The following MTHFD2L variants were observed in gnomAD, a reference collection of about 807,000 sequenced individuals.
MTHFD2L encodes the protein bifunctional methylenetetrahydrofolate dehydrogenase/cyclohydrolase 2, mitochondrial.
In MTHFD2L, 29 loss-of-function variants were observed where a neutral mutation model predicts 34.9. The observed-to-expected ratio is 0.83, with a 90% CI of 0.62 to 1.13. The LOEUF (loss-of-function observed/expected upper bound fraction) is 1.13, where lower values mean the gene tolerates loss of function less well. MTHFD2L is among the 50% of genes most tolerant of loss of function. The probability of loss-of-function intolerance (pLI) is 0.00; values close to 1 mark genes in which losing one functional copy is unlikely to be tolerated. For synonymous variants in MTHFD2L, 167 were observed against 155.7 expected (o/e 1.07, Z -0.54); for missense variants, 481 against 446.5 (o/e 1.08, Z -0.70).
chr4:74,253,383 T>G (rs999262362), intron 6 of MTHFD2L, among the ~76,000 whole-genome samples: 24 of 152,214 alleles, frequency 1.6e-4, no homozygotes, highest in Non-Finnish European at 2.1e-4. Context: ...AAACATCCAT[T>G]GCAAGAAAAT....
intron 3 of MTHFD2L, chr4:74,190,426 C>T (rs1427187402): frequency 3.5e-5 from 33 of 956,388 alleles, no homozygotes; most frequent in Non-Finnish European, 3.6e-5. Flanking sequence ...ATGAAGTAAG[C>T]CTGCCTGAGG....
At chr4:74,151,315 T>G (rs1007407362) in intron 1 of MTHFD2L, among the ~76,000 whole-genome samples, 1 of 152,208 alleles carries the variant, frequency 6.6e-6, no homozygotes, top group African/African-American at 2.4e-5. Context: ...TTTCTCCTTA[T>G]TACACAGATT....
At chr4:74,263,906 G>A (rs576925864) in intron 6 of MTHFD2L, among the ~76,000 whole-genome samples, 27 of 151,882 alleles carry the variant, frequency 1.8e-4, no homozygotes, top group Non-Finnish European at 3.7e-4. Context: ...TCTAACCTTT[G>A]AAAATCTGTC....
chr4:74,182,599 T>C (rs1299364337), intron 3 of MTHFD2L: 1 of 152,222 alleles, frequency 6.6e-6, no homozygotes, highest in Non-Finnish European at 1.5e-5. Context: ...TTCCAGCCCA[T>C]GCCCCTAAGT....
chr4:74,183,989 T>C (rs970275522), intron 3 of MTHFD2L: 1 of 152,120 alleles, frequency 6.6e-6, no homozygotes, highest in Non-Finnish European at 1.5e-5. Flanking sequence ...ATATGTGAAA[T>C]GACATAATAT....
At chr4:74,257,335 C>T (rs6855555) in intron 6 of MTHFD2L, among the ~76,000 whole-genome samples, 36,508 of 151,464 alleles carry the variant, frequency 0.24, 4,476 homozygotes, top group African/African-American at 0.29. Flanking sequence ...AGACATAAGG[C>T]GGATGAAAAA....
At chr4:74,255,568 T>C (rs1743923297) in intron 6 of MTHFD2L, among the ~76,000 whole-genome samples, 2 of 152,152 alleles carry the variant, frequency 1.3e-5, no homozygotes, top group South Asian at 4.1e-4. Flanking sequence ...TGCTGAGGTT[T>C]GGGGTATGAA....
chr4:74,215,042 C>T (rs925132138), intron 5 of MTHFD2L, among the ~76,000 whole-genome samples: 1 of 151,658 alleles, frequency 6.6e-6, no homozygotes, highest in African/African-American at 2.4e-5. Context: ...TGGACTGCCC[C>T]CCTGCCACCC....
chr4:74,221,954 T>C (rs1435471068), intron 5 of MTHFD2L, among the ~76,000 whole-genome samples: 2 of 151,920 alleles, frequency 1.3e-5, no homozygotes, highest in Non-Finnish European at 2.9e-5. Context: ...ATAAAATGTT[T>C]TTATTTTCTC....
At chr4:74,196,633 T>C (rs1733519912) in intron 3 of MTHFD2L, among the ~76,000 whole-genome samples, 1 of 152,150 alleles carries the variant, frequency 6.6e-6, no homozygotes, top group African/African-American at 2.4e-5. Flanking sequence ...CAATTAAGCA[T>C]ATTATAAATA....
chr4:74,218,411 A>G (rs928872371), intron 5 of MTHFD2L, among the ~76,000 whole-genome samples: 1 of 152,140 alleles, frequency 6.6e-6, no homozygotes, highest in Non-Finnish European at 1.5e-5. Context: ...TACTCAGCAA[A>G]TAACTATTTC....
chr4:74,270,746 ACT>A (rs1745872359), intron 6 of MTHFD2L, among the ~76,000 whole-genome samples: 1 of 152,230 alleles, frequency 6.6e-6, no homozygotes, highest in African/African-American at 2.4e-5. Flanking sequence ...GAATAGCCAC[ACT>A]GTCTTCCACA....
chr4:74,237,633 G>A (rs1219223121), intron 6 of MTHFD2L, among the ~76,000 whole-genome samples: 1 of 152,146 alleles, frequency 6.6e-6, no homozygotes, highest in Non-Finnish European at 1.5e-5. Flanking sequence ...AAGAAGTCAA[G>A]TGCTTATCTT....
intron 7 of MTHFD2L, 106 bp from the exon 8 acceptor site, chr4:74,301,591 G>T: frequency 4.9e-6 from 3 of 609,464 alleles, no homozygotes; most frequent in East Asian, 3.0e-5. Context: ...TTCTAAAAAT[G>T]ATTTGTATAT....
chr4:74,286,426 C>T (rs1170919487), intron 7 of MTHFD2L, among the ~76,000 whole-genome samples: 1 of 152,082 alleles, frequency 6.6e-6, no homozygotes, highest in East Asian at 1.9e-4. Flanking sequence ...TAGAAAGAAA[C>T]TTCATACATT....
upstream of MTHFD2L, among the ~76,000 whole-genome samples, chr4:74,124,891 C>T (rs952356027): frequency 2.6e-5 from 4 of 151,916 alleles, no homozygotes; most frequent in South Asian, 8.3e-4. Flanking sequence ...TATTTTGCTT[C>T]TGTACATGTA....
At chr4:74,221,636 T>C (rs1738205453) in intron 5 of MTHFD2L, among the ~76,000 whole-genome samples, 1 of 151,958 alleles carries the variant, frequency 6.6e-6, no homozygotes, top group African/African-American at 2.4e-5. Flanking sequence ...ATGTGTATAA[T>C]GTATGCTGTA....
Position 74,190,565 on chromosome 4 carries a change from G to A in MTHFD2L, c.452-9229G>A, listed in dbSNP as rs538442597. The A allele has an allele frequency of 6.2e-6, 6 of 974,330 alleles. No homozygotes were observed. In the South Asian group the frequency reaches 1.9e-4, roughly 31 times the overall value. The allele number at this position is 974,330 out of a possible 1,614,324, so 60.4% of individuals were successfully genotyped here. ...CTCCACTGTGTTCTCAGAATTTGGG[G>A]TGGAGTAGCTCAGCGAGGTTAGAGT... On this transcript the variant is annotated intron_variant, in intron 3 of 7. Coordinates refer to ENST00000325278, the MANE Select transcript of MTHFD2L (RefSeq NM_001144978.3).
At chr4:74,271,859 G>T (rs908135723) in intron 6 of MTHFD2L, among the ~76,000 whole-genome samples, 1 of 151,672 alleles carries the variant, frequency 6.6e-6, no homozygotes, top group Admixed American at 6.7e-5. Context: ...GCAGTGGTTT[G>T]TAGTTGTCCT....
Sources: allele counts gnomAD v4.1 joint callset (sites outside exome capture counted in the v4.1 genomes callset), GRCh38; gene constraint gnomAD v4.1.1; transcripts MANE v1.5; gene names NCBI Gene and HGNC (gene_info 2026-07-23, HGNC 2026-07-21).